The following CDKAL1 variants were observed in gnomAD, a reference collection of about 807,000 sequenced individuals.
CDKAL1 encodes threonylcarbamoyladenosine tRNA methylthiotransferase.
A neutral mutation model predicts 68.2 loss-of-function variants in CDKAL1; 32 were observed. The observed-to-expected ratio is 0.47, with a 90% confidence interval of 0.35 to 0.63. The LOEUF is 0.63. Ranked by LOEUF, CDKAL1 falls within the 30% of genes least tolerant of loss-of-function variation. CDKAL1 has a pLI of 0.00. For missense variants in CDKAL1, 606 were observed against 696.7 expected (o/e 0.87, Z 1.47); for synonymous variants, 234 against 244.3 (o/e 0.96, Z 0.39).
chr6:21,128,025 G>C (rs1775106504), intron 13 of CDKAL1, among the ~76,000 whole-genome samples: 1 of 152,168 alleles, frequency 6.6e-6, no homozygotes, highest in Non-Finnish European at 1.5e-5. Flanking sequence ...TATCCAGTGA[G>C]ATAATATGTG....
chr6:20,979,836 A>G (rs1766023811), intron 10 of CDKAL1, among the ~76,000 whole-genome samples: 1 of 149,172 alleles, frequency 6.7e-6, no homozygotes, highest in African/African-American at 2.5e-5. Context: ...CAGTGGCATA[A>G]TCCCAACTCA....
At chr6:20,608,842 T>A (rs1234952842) in intron 4 of CDKAL1, among the ~76,000 whole-genome samples, 1 of 152,232 alleles carries the variant, frequency 6.6e-6, no homozygotes, top group Non-Finnish European at 1.5e-5. Flanking sequence ...ATGATATGCT[T>A]TGTTTTTAAG....
chr6:20,733,465 T>A (rs1019890883), intron 5 of CDKAL1, among the ~76,000 whole-genome samples: 5 of 152,222 alleles, frequency 3.3e-5, no homozygotes, highest in African/African-American at 1.2e-4. Context: ...TTTATTCCAG[T>A]GCACCATGAC....
intron 8 of CDKAL1, among the ~76,000 whole-genome samples, chr6:20,800,151 T>TTTTC (rs2150404579): frequency 4.2e-4 from 1 of 2,374 alleles, no homozygotes; most frequent in East Asian, 0.25. Flanking sequence ...TCAGCAGCCT[T>TTTTC]TTTCTTTTCT....
chr6:20,701,856 A>G (rs1419888696), intron 5 of CDKAL1, among the ~76,000 whole-genome samples: 1 of 152,138 alleles, frequency 6.6e-6, no homozygotes, highest in African/African-American at 2.4e-5. Flanking sequence ...TTTAGTAGAA[A>G]TCAGCTTTCT....
intron 13 of CDKAL1, among the ~76,000 whole-genome samples, chr6:21,166,448 A>G (rs1012604246): frequency 6.6e-6 from 1 of 152,226 alleles, no homozygotes; most frequent in Non-Finnish European, 1.5e-5. Context: ...AGTAGATCAT[A>G]CATAACATGC....
intron 10 of CDKAL1, among the ~76,000 whole-genome samples, chr6:20,987,523 G>A (rs557318573): frequency 6.6e-6 from 1 of 152,058 alleles, no homozygotes; most frequent in African/African-American, 2.4e-5. Context: ...CCAAAGTGCT[G>A]GGGGGTTATA....
chr6:20,887,442 C>A (rs1249061604), intron 9 of CDKAL1, among the ~76,000 whole-genome samples: 2 of 151,790 alleles, frequency 1.3e-5, no homozygotes, highest in Non-Finnish European at 2.9e-5. Context: ...GAAGAATGGA[C>A]AAAATGGAAT....
chr6:21,020,112 T>G (rs989779415), intron 11 of CDKAL1, among the ~76,000 whole-genome samples: 2 of 152,214 alleles, frequency 1.3e-5, no homozygotes, highest in Non-Finnish European at 2.9e-5. Context: ...AAGTAAAAAT[T>G]AAGGGATAAG....
intron 9 of CDKAL1, among the ~76,000 whole-genome samples, chr6:20,893,747 C>G (rs1019568694): frequency 6.6e-6 from 1 of 152,242 alleles, no homozygotes; most frequent in African/African-American, 2.4e-5. Context: ...AATAACAGAA[C>G]TAACTTCATA....
chr6:21,136,165 G>A (rs1308976557), intron 13 of CDKAL1, among the ~76,000 whole-genome samples: 1 of 152,214 alleles, frequency 6.6e-6, no homozygotes, highest in Non-Finnish European at 1.5e-5. Flanking sequence ...TAGACTTCAA[G>A]TGAAGTTAGG....
chr6:20,767,459 A>T (rs1297351719), intron 7 of CDKAL1, among the ~76,000 whole-genome samples: 2 of 152,034 alleles, frequency 1.3e-5, no homozygotes, highest in Non-Finnish European at 2.9e-5. Flanking sequence ...TATCATCTTC[A>T]ATTTTTTTTT....
intron 8 of CDKAL1, among the ~76,000 whole-genome samples, chr6:20,790,335 A>C (rs1775844887): frequency 1.3e-5 from 2 of 152,150 alleles, no homozygotes; most frequent in Non-Finnish European, 2.9e-5. Context: ...TTTAAAGGCA[A>C]TTTAAGCACT....
At chr6:20,752,359 G>A (rs773871045) in intron 6 of CDKAL1, among the ~76,000 whole-genome samples, 83 of 152,044 alleles carry the variant, frequency 5.5e-4, no homozygotes, top group Non-Finnish European at 8.2e-4. Context: ...TGCCATAAAA[G>A]CAAATGTAAT....
intron 10 of CDKAL1, among the ~76,000 whole-genome samples, chr6:20,991,853 A>T (rs1415196311): frequency 9.0e-6 from 1 of 111,728 alleles, no homozygotes; most frequent in African/African-American, 3.4e-5. Flanking sequence ...CTGTCTCTTT[A>T]AAAAAAAAAA....
In CDKAL1 at chr6:20,995,913, T is replaced by C. The variant is rs914421785; in HGVS notation, c.910-4314T>C. Among the ~76,000 whole-genome samples the C allele has an allele frequency of 3.3e-5, 5 of 152,366 alleles. 1 individual carries two copies. The Middle Eastern group carries it at 0.01, about 311-fold the overall frequency. ...TTAATAGAAGGCTGTTTTGTCTACATTGAAAATCTGCGGTGTGCCATAGCC... is the reference window on the plus strand; with the variant it reads ...TTAATAGAAGGCTGTTTTGTCTACACTGAAAATCTGCGGTGTGCCATAGCC... On this transcript the variant is annotated intron_variant, in intron 10 of 15. Transcript: ENST00000274695.
At chr6:20,568,743 AAAAAAAAC>A (rs1421788213) in intron 4 of CDKAL1, among the ~76,000 whole-genome samples, 17 of 82,952 alleles carry the variant, frequency 2.0e-4, no homozygotes, top group South Asian at 9.0e-4. Flanking sequence ...TCAAAAAAAA[AAAAAAAAC>A]AAAAAAACAA....
At chr6:21,143,020 AT>A (rs1031423315) in intron 13 of CDKAL1, among the ~76,000 whole-genome samples, 1 of 152,214 alleles carries the variant, frequency 6.6e-6, no homozygotes, top group African/African-American at 2.4e-5. Flanking sequence ...TAAATATCTA[AT>A]TTGCCTTGTT....
intron 2 of CDKAL1, among the ~76,000 whole-genome samples, chr6:20,540,077 C>CTTTTTTTT (rs71538791): frequency 2.3e-5 from 3 of 131,242 alleles, no homozygotes; most frequent in African/African-American, 3.1e-5. Flanking sequence ...TTGGGATTGT[C>CTTTTTTTT]TTTTTTTTTT....
Sources: allele counts gnomAD v4.1 joint callset (sites outside exome capture counted in the v4.1 genomes callset), GRCh38; gene constraint gnomAD v4.1.1; transcripts MANE v1.5; gene names NCBI Gene and HGNC (gene_info 2026-07-23, HGNC 2026-07-21).